ARL6: variants seen among roughly 807,000 people sequenced by gnomAD.
ARL6 encodes the protein ADP-ribosylation factor-like protein 6.
A neutral mutation model predicts 27.1 loss-of-function variants in ARL6; 18 were observed. That is an observed-to-expected ratio of 0.66 (90% confidence interval 0.46 to 0.98). ARL6 has a LOEUF of 0.98. ARL6 is among the 50% of genes least tolerant of loss of function. The pLI, the probability that ARL6 is intolerant of heterozygous loss-of-function variation, is 0.00. For missense variants in ARL6, 187 were observed against 214.9 expected (o/e 0.87, Z 0.81); for synonymous variants, 65 against 72.3 (o/e 0.90, Z 0.51).
chr3:97,772,206 A>G (rs1189802192), intron 2 of ARL6, among the ~76,000 whole-genome samples: 3 of 152,044 alleles, frequency 2.0e-5, no homozygotes, highest in Non-Finnish European at 2.9e-5. Context: ...CTCCTTACTC[A>G]TTATTGGCCT....
In ARL6 at chr3:97,800,142, GC is replaced by G. The variant is rs1343066321; in HGVS notation, c.*2094del. Reference sequence around the variant, plus strand: ...ACAAACTACAGTAGCTCATACCTATGCAAATATTTAGAAGAAGGAGAAGTAC... The same window carrying G: ...ACAAACTACAGTAGCTCATACCTATGAAATATTTAGAAGAAGGAGAAGTAC... On this transcript the variant is annotated 3_prime_UTR_variant, in exon 8 of 8. Coordinates refer to ENST00000463745, the MANE Select transcript of ARL6 (RefSeq NM_001278293.3). 1 of 151,960 alleles carries G rather than the reference GC, an allele frequency of 6.6e-6. No individual in the cohort carries two copies. The highest frequency in any genetic ancestry group is 1.5e-5 in the Non-Finnish European group (1 of 67,950). 9.4% of individuals were successfully genotyped at this position (151,960 alleles called of 1,614,324 possible). A position where few individuals can be genotyped will look rare whatever the true frequency, so the allele number is the denominator to read the frequency against.
chr3:97,772,823 G>A (rs372468683), intron 2 of ARL6, among the ~76,000 whole-genome samples: 1 of 151,908 alleles, frequency 6.6e-6, no homozygotes, highest in African/African-American at 2.4e-5. Flanking sequence ...GTTTCTCCAT[G>A]TTGGTCAGGC....
At chr3:97,797,389 T>C (rs1468582277) in intron 7 of ARL6, among the ~76,000 whole-genome samples, 1 of 152,106 alleles carries the variant, frequency 6.6e-6, no homozygotes, top group Non-Finnish European at 1.5e-5. Context: ...AAAGAAAAAG[T>C]ATACCACCTG....
At chr3:97,773,147 G>A (rs887927768) in intron 2 of ARL6, among the ~76,000 whole-genome samples, 7 of 152,204 alleles carry the variant, frequency 4.6e-5, no homozygotes, top group African/African-American at 1.4e-4. Context: ...TCTGCAGGCT[G>A]AGGAGCAAGG....
At position 97,780,695 on chromosome 3, in the gene ARL6, T is replaced by A. The variant is rs367959480; in HGVS notation, c.254+12T>A. On this transcript the variant is annotated intron_variant, in intron 4 of 7. Transcript: ENST00000463745. ...GAACACTATTATAAGTAAGTACATC[T>A]GTGAATGTTGCTTAACTAGATGGTT... 9 of 1,586,604 alleles carry A rather than the reference T, an allele frequency of 5.7e-6. No individual in the cohort carries two copies. The African/African-American group carries it at 1.2e-4, about 21-fold the overall frequency.
intron 2 of ARL6, among the ~76,000 whole-genome samples, chr3:97,770,988 A>G (rs182638850): frequency 2.7e-4 from 41 of 151,830 alleles, no homozygotes; most frequent in African/African-American, 8.9e-4. Flanking sequence ...GTTCAGGATT[A>G]TTTTGGCTAT....
chr3:97,797,793 A>G (rs1355730668), intron 7 of ARL6, among the ~76,000 whole-genome samples: 2 of 152,160 alleles, frequency 1.3e-5, no homozygotes, highest in African/African-American at 4.8e-5. Flanking sequence ...GACCTGGTGC[A>G]CACTTGTAGT....
intron 2 of ARL6, among the ~76,000 whole-genome samples, chr3:97,770,243 T>C (rs2036577022): frequency 6.6e-6 from 1 of 152,128 alleles, no homozygotes; most frequent in Non-Finnish European, 1.5e-5. Flanking sequence ...TGGGGTGAAA[T>C]AATATCTCAT....
At position 97,780,232 on chromosome 3, in the gene ARL6, T is replaced by C. The variant is rs774639563; in HGVS notation, c.185+12T>C. 2 of 1,603,620 alleles carry C rather than the reference T, an allele frequency of 1.2e-6. No homozygotes were observed. The highest frequency in any genetic ancestry group is 1.7e-6 in the Non-Finnish European group (2 of 1,172,168). The stretch of plus-strand genomic sequence containing the variant: ...TTCAAATCATCCAGGTAATCCACTT[T>C]ATCCCTTAACAAAAAAGTTGCTAGT... On this transcript the variant is annotated intron_variant, in intron 3 of 7. Coordinates refer to ENST00000463745, the MANE Select transcript of ARL6 (RefSeq NM_001278293.3).
chr3:97,786,582 G>T (rs1306567129), intron 5 of ARL6, among the ~76,000 whole-genome samples: 1 of 152,104 alleles, frequency 6.6e-6, no homozygotes, highest in Non-Finnish European at 1.5e-5. Flanking sequence ...CCAAGGGAGG[G>T]ATTTCTCAGC....
Position 97,798,705 on chromosome 3 carries a change from T to G in ARL6, c.*656T>G, listed in dbSNP as rs1329051611. 6.6e-6 allele frequency: 1 copy of G among 152,134 alleles called. No individual in the cohort carries two copies. The highest frequency in any genetic ancestry group is 2.1e-4 in the South Asian group (1 of 4,834). The allele number at this position is 152,134 out of a possible 1,614,324, so 9.4% of individuals were successfully genotyped here. A position where few individuals can be genotyped will look rare whatever the true frequency, so the allele number is the denominator to read the frequency against. ...ACTAGTCAGACATAGTCCTAGGCAA[T>G]GATGTTACGAGGTAAATAAGACATA... On this transcript the variant is annotated 3_prime_UTR_variant, in exon 8 of 8. Transcript: ENST00000463745.
At chr3:97,772,588 G>A (rs1338281979) in intron 2 of ARL6, among the ~76,000 whole-genome samples, 1 of 147,528 alleles carries the variant, frequency 6.8e-6, no homozygotes, top group Non-Finnish European at 1.5e-5. Context: ...GTTGTTCGAG[G>A]TGCATCATTG....
At chr3:97,768,803 G>A (rs547156585) in intron 2 of ARL6, among the ~76,000 whole-genome samples, 8 of 151,942 alleles carry the variant, frequency 5.3e-5, no homozygotes, top group Non-Finnish European at 1.0e-4. Flanking sequence ...CAACTCTCCT[G>A]CCTTATCAGA....
chr3:97,788,195 A>AT (rs1406241263), intron 6 of ARL6, 76 bp downstream of exon 6: 2 of 1,472,868 alleles, frequency 1.4e-6, no homozygotes, highest in East Asian at 4.6e-5. Context: ...TTCTGATCTC[A>AT]TTTTTTAAAA....
intron 5 of ARL6, among the ~76,000 whole-genome samples, chr3:97,787,050 T>C (rs1250586804): frequency 4.6e-5 from 7 of 152,164 alleles, no homozygotes; most frequent in Non-Finnish European, 8.8e-5. Context: ...CAATTCCACA[T>C]CTTAAATTTA....
At chr3:97,792,851 C>T (rs190802500) in intron 7 of ARL6, among the ~76,000 whole-genome samples, 19 of 152,030 alleles carry the variant, frequency 1.2e-4, no homozygotes, top group African/African-American at 2.9e-4. Flanking sequence ...ATCATTTCTA[C>T]GGGGAATGTC....
At chr3:97,794,785 A>T (rs1262250354) in intron 7 of ARL6, among the ~76,000 whole-genome samples, 1 of 152,094 alleles carries the variant, frequency 6.6e-6, no homozygotes, top group Admixed American at 6.6e-5. Context: ...TAATATTATT[A>T]TTTAAAATTT....
At chr3:97,775,519 AC>A (rs947389867) in intron 2 of ARL6, among the ~76,000 whole-genome samples, 3 of 151,928 alleles carry the variant, frequency 2.0e-5, no homozygotes, top group Non-Finnish European at 4.4e-5. Flanking sequence ...GATTGTTCCC[AC>A]CCAGATTAAG....
chr3:97,791,146 C>T (rs2037715201), intron 6 of ARL6: 1 of 152,216 alleles, frequency 6.6e-6, no homozygotes. Context: ...GTTTTATATA[C>T]ATACCTCAAG....
Sources: allele counts gnomAD v4.1 joint callset (sites outside exome capture counted in the v4.1 genomes callset), GRCh38; gene constraint gnomAD v4.1.1; transcripts MANE v1.5; gene names NCBI Gene and HGNC (gene_info 2026-07-23, HGNC 2026-07-21).